The following TFRC variants were observed in gnomAD, a reference collection of about 807,000 sequenced individuals.
TFRC encodes the protein transferrin receptor.
A neutral mutation model predicts 85.8 loss-of-function variants in TFRC; 35 were observed. The ratio of observed to expected loss-of-function variants is 0.41; its 90% CI spans 0.31 to 0.54. TFRC has a LOEUF of 0.54. Among genes scored for constraint, TFRC ranks in the 20% least tolerant of loss-of-function variants. The pLI is 0.31. For synonymous variants in TFRC, 362 were observed against 328.6 expected (o/e 1.10, Z -1.10); for missense variants, 828 against 921.5 (o/e 0.90, Z 1.31).
rs1363925131 is a variant in TFRC at position 196,055,119 on chromosome 3, T to C, written c.1860A>G (p.Ser620=). The C allele has an allele frequency of 5.0e-6, 8 of 1,614,202 alleles. No homozygotes were observed. Among genetic ancestry groups the C allele is most frequent in the Non-Finnish European group, 6.8e-6 (8 of 1,180,038 alleles). The part of the protein sequence containing the change: ...DYERYNSQLL[S]FVRDLNQYRA... ...TGTATTGGTTCAGATCCCTCACAAA[T>C]GAAAGCAGTTGGCTGTTGTACCTCT... Residue 620 remains serine, a synonymous_variant, in exon 17 of 19, where the codon TCA becomes TCG. Coordinates refer to ENST00000360110, the MANE Select transcript of TFRC (RefSeq NM_001128148.3).
chr3:196,057,344 C>G (rs557410835), intron 16 of TFRC, among the ~76,000 whole-genome samples: 1 of 152,160 alleles, frequency 6.6e-6, no homozygotes, highest in African/African-American at 2.4e-5. Context: ...AGTCACGTAC[C>G]CCCTGCTTGC....
In TFRC at chr3:196,051,694, C is replaced by T. The variant is rs1282280790; in HGVS notation, c.*248G>A. On this transcript the variant is annotated 3_prime_UTR_variant, in exon 19 of 19. Coordinates refer to ENST00000360110, the MANE Select transcript of TFRC (RefSeq NM_001128148.3). ...AAGAGGCAGTTCCCATTACAAAGCA[C>T]TTAAAATTCTAGAGATAGGGGAATA... is the stretch of plus-strand genomic sequence containing the variant. 4 of 475,986 alleles carry T rather than the reference C, an allele frequency of 8.4e-6. No homozygotes were observed. Among genetic ancestry groups the T allele is most frequent in the South Asian group, 3.0e-5 (1 of 32,904 alleles). 29.5% of individuals were successfully genotyped at this position (475,986 alleles called of 1,614,324 possible).
intron 7 of TFRC, among the ~76,000 whole-genome samples, chr3:196,069,185 A>C (rs1047789943): frequency 1.3e-5 from 2 of 152,090 alleles, no homozygotes; most frequent in Non-Finnish European, 2.9e-5. Flanking sequence ...TTTGGCTATT[A>C]ATTTTCCTTT....
rs41298071 is a variant in TFRC at position 196,053,227 on chromosome 3, C to T, written c.2040+191G>A. ...CATACATGGAAGTTTTACAGCAAGT[C>T]TCTTCCAAAAAGACTAGGTTTGACT... On this transcript the variant is annotated intron_variant, in intron 18 of 18. Transcript: ENST00000360110. Among the ~76,000 whole-genome samples the T allele has an allele frequency of 2.7e-3, 405 of 152,266 alleles. 5 individuals carry two copies. The highest frequency in any genetic ancestry group is 0.014 in the Middle Eastern group (4 of 294).
In TFRC at chr3:196,065,544, A is replaced by C; in HGVS notation, c.1097T>G (p.Val366Gly). ...CTTCACATTCTTGCTTTCTGAGGTT[A>C]CCATCCTACATGTAGAGTCTGTTTT... is the stretch of plus-strand genomic sequence containing the variant. Reference protein sequence around the residue: ...DWKTDSTCRMVTSESKNVKLT... With the variant: ...DWKTDSTCRMGTSESKNVKLT... The change falls in exon 10 of 19, where the codon GTA becomes GGA. Residue 366 changes from valine (V) to glycine (G), a missense_variant. By Grantham distance (109) the Val-to-Gly change is moderately radical (BLOSUM62 -3). Transcript: ENST00000360110. The C allele has an allele frequency of 1.9e-6, 3 of 1,611,332 alleles. No homozygotes were observed. The highest frequency in any genetic ancestry group is 2.5e-6 in the Non-Finnish European group (3 of 1,179,186).
Position 196,075,271 on chromosome 3 carries a change from T to C in TFRC, c.126A>G (p.Val42=). The C allele has an allele frequency of 6.2e-7, 1 of 1,614,174 alleles. No homozygotes were observed. The highest frequency in any genetic ancestry group is 1.1e-5 in the South Asian group (1 of 91,084). Residue 42 remains valine, a synonymous_variant, in exon 3 of 19, where the codon GTA becomes GTG. Coordinates refer to ENST00000360110, the MANE Select transcript of TFRC (RefSeq NM_001128148.3). Reference sequence around the variant, plus strand: ...TATTGTCAGCATTTTCTTCTTCATCTACAGCAAGTTTCATCTCCACATGAC... The same window carrying C: ...TATTGTCAGCATTTTCTTCTTCATCCACAGCAAGTTTCATCTCCACATGAC... The part of the protein sequence containing the change: ...DNSHVEMKLA[V]DEEENADNNT...
intron 6 of TFRC, among the ~76,000 whole-genome samples, chr3:196,071,172 T>A (rs1718169233): frequency 6.6e-6 from 1 of 152,174 alleles, no homozygotes; most frequent in African/African-American, 2.4e-5. Context: ...ATAGATAATG[T>A]CAGCTGCTAG....
At chr3:196,073,183 G>A (rs1718372437) in intron 4 of TFRC, among the ~76,000 whole-genome samples, 1 of 151,518 alleles carries the variant, frequency 6.6e-6, no homozygotes, top group South Asian at 2.1e-4. Flanking sequence ...TCGTGCCACT[G>A]CACTCCAGCC....
At chr3:196,053,693 C>T (rs1716537029) in intron 17 of TFRC, 135 bp from the exon 18 acceptor site, 2 of 1,044,896 alleles carry the variant, frequency 1.9e-6, no homozygotes, top group African/African-American at 3.2e-5. Flanking sequence ...CCGAAAGCAC[C>T]TTGCACAGGG....
At chr3:196,075,892 C>G (rs1047219957) in intron 2 of TFRC, among the ~76,000 whole-genome samples, 16 of 144,698 alleles carry the variant, frequency 1.1e-4, no homozygotes, top group East Asian at 3.9e-4. Flanking sequence ...CTGGGGGGGG[C>G]CGAGGCACAC....
At chr3:196,058,126 G>C in intron 16 of TFRC, 158 bp downstream of exon 16, 2 of 519,408 alleles carry the variant, frequency 3.9e-6, no homozygotes, top group South Asian at 6.9e-5. Context: ...TGTAATCCTC[G>C]TCATTTGTCC....
intron 5 of TFRC, among the ~76,000 whole-genome samples, 183 bp downstream of exon 5, chr3:196,071,820 C>CAGAGCAGCTGGGA (rs1718233810): frequency 6.6e-6 from 1 of 152,222 alleles, no homozygotes. Flanking sequence ...AGGAGAATCA[C>CAGAGCAGCTGGGA]TTGAACCCAG....
intron 13 of TFRC, among the ~76,000 whole-genome samples, chr3:196,061,640 C>T (rs13064593): frequency 0.035 from 5,363 of 152,250 alleles, 126 homozygotes; most frequent in South Asian, 0.099. Flanking sequence ...CAGGTACTCG[C>T]CACCACACCC....
intron 7 of TFRC, among the ~76,000 whole-genome samples, chr3:196,069,179 G>C (rs1434185809): frequency 6.6e-6 from 1 of 152,008 alleles, no homozygotes; most frequent in South Asian, 2.1e-4. Context: ...TGTATGTTTG[G>C]CTATTAATTT....
chr3:196,071,687 G>A (rs1718222839), intron 5 of TFRC, among the ~76,000 whole-genome samples, 189 bp from the exon 6 acceptor site: 1 of 152,236 alleles, frequency 6.6e-6, no homozygotes, highest in African/African-American at 2.4e-5. Flanking sequence ...ACTTTGGGAG[G>A]CCCAGGCGGG....
At chr3:196,074,675 T>TA (rs41301349) in intron 3 of TFRC, among the ~76,000 whole-genome samples, 10 of 152,014 alleles carry the variant, frequency 6.6e-5, no homozygotes, top group Admixed American at 6.6e-4. Flanking sequence ...GGTCAGGAGT[T>TA]AGAGACCAGC....
intron 2 of TFRC, among the ~76,000 whole-genome samples, chr3:196,076,511 G>A (rs1407104145): frequency 4.7e-5 from 7 of 149,728 alleles, no homozygotes; most frequent in South Asian, 2.1e-4. Flanking sequence ...GTGCAATGGC[G>A]TGATCTCAGC....
chr3:196,070,741 G>A (rs915466760), intron 6 of TFRC, among the ~76,000 whole-genome samples: 1 of 147,584 alleles, frequency 6.8e-6, no homozygotes, highest in Non-Finnish European at 1.5e-5. Context: ...TTGAAGACCA[G>A]CCTGGCCAAC....
chr3:196,073,036 CAAAAAAA>C (rs56723183), intron 4 of TFRC, among the ~76,000 whole-genome samples: 1,270 of 72,114 alleles, frequency 0.018, 13 homozygotes, highest in Non-Finnish European at 0.028. Flanking sequence ...CCCGTTTCTG[CAAAAAAA>C]AAAAAAAAAA....
Sources: gnomAD v4.1 joint callset for allele counts (sites outside exome capture counted in the v4.1 genomes callset) on GRCh38, gnomAD v4.1.1 for gene constraint, MANE v1.5 for transcripts, NCBI Gene and HGNC (gene_info 2026-07-23, HGNC 2026-07-21) for gene names.